The following CDYL variants were observed in gnomAD, a reference collection of about 807,000 sequenced individuals.
The protein encoded by CDYL is chromodomain Y like.
Under a neutral mutation model 47.3 loss-of-function variants are expected in CDYL, and 8 were observed. The observed-to-expected ratio is 0.17, with a 90% CI of 0.10 to 0.31. CDYL has a LOEUF of 0.31. Among genes scored for constraint, CDYL ranks in the 10% least tolerant of loss-of-function variants. The pLI, the probability that CDYL is intolerant of heterozygous loss-of-function variation, is 1.00. For missense variants in CDYL, 471 were observed against 701.4 expected, an observed-to-expected ratio of 0.67 and a Z score of 3.71; for synonymous variants, 266 against 265.0, an observed-to-expected ratio of 1.00 and a Z score of -0.04.
intron 1 of CDYL, among the ~76,000 whole-genome samples, chr6:4,823,330 A>T (rs111780437): frequency 6.6e-6 from 1 of 152,182 alleles, no homozygotes; most frequent in Non-Finnish European, 1.5e-5. Flanking sequence ...CATACCTACT[A>T]AAATATTGCT....
At chr6:4,895,019 GTA>G (rs1196753398) in intron 2 of CDYL, among the ~76,000 whole-genome samples, 1 of 150,736 alleles carries the variant, frequency 6.6e-6, no homozygotes, top group South Asian at 2.1e-4. Context: ...ATACATATAT[GTA>G]TGTATGTGTA....
chr6:4,854,256 T>A (rs1490217923), intron 1 of CDYL, among the ~76,000 whole-genome samples: 1 of 152,226 alleles, frequency 6.6e-6, no homozygotes, highest in African/African-American at 2.4e-5. Flanking sequence ...TCTTATGTAA[T>A]CTGAGTGATG....
At chr6:4,945,999 C>T (rs577269228) in intron 5 of CDYL, among the ~76,000 whole-genome samples, 5 of 152,348 alleles carry the variant, frequency 3.3e-5, no homozygotes, top group South Asian at 2.1e-4. Flanking sequence ...GAGCCGTCAG[C>T]GTGCTGCCCA....
At chr6:4,893,119 C>T (rs1263702843) in intron 2 of CDYL, among the ~76,000 whole-genome samples, 1 of 152,234 alleles carries the variant, frequency 6.6e-6, no homozygotes, top group Non-Finnish European at 1.5e-5. Context: ...TGACTTCTCA[C>T]CTGCTGGAGC....
intron 2 of CDYL, among the ~76,000 whole-genome samples, chr6:4,717,383 CT>C (rs1253754666): frequency 2.0e-5 from 3 of 152,110 alleles, no homozygotes; most frequent in Admixed American, 2.0e-4. Context: ...CCATAAGGGA[CT>C]TCCGCTTAGG....
rs1760706362 is a variant in CDYL at position 4,847,769 on chromosome 6, T to G, written c.25-43944T>G. Among the ~76,000 whole-genome samples the G allele has an allele frequency of 3.3e-5, 5 of 152,232 alleles. No homozygotes were observed. In the South Asian group the frequency reaches 1.0e-3, roughly 31 times the overall value. Reference sequence around the variant, plus strand: ...CCTCCTAAACATTTACAACTTCTGCTGTCTTTTGAATTAAAATAAAAACTG... The same window carrying G: ...CCTCCTAAACATTTACAACTTCTGCGGTCTTTTGAATTAAAATAAAAACTG... On this transcript the variant is annotated intron_variant, in intron 1 of 6. Coordinates refer to ENST00000397588, the MANE Select transcript of CDYL (RefSeq NM_004824.4).
chr6:4,825,170 T>C (rs2127450656), intron 1 of CDYL, among the ~76,000 whole-genome samples: 1 of 152,260 alleles, frequency 6.6e-6, no homozygotes, highest in South Asian at 2.1e-4. Flanking sequence ...CGTGCCCCAC[T>C]AGCTGTTGGA....
intron 1 of CDYL, among the ~76,000 whole-genome samples, chr6:4,781,634 G>T (rs778408916): frequency 1.5e-4 from 23 of 152,122 alleles, no homozygotes; most frequent in Non-Finnish European, 2.9e-4. Context: ...TTCAATTCCT[G>T]TGTACCAGAA....
intron 3 of CDYL, among the ~76,000 whole-genome samples, chr6:4,735,031 A>G (rs1210897018): frequency 1.1e-4 from 17 of 152,198 alleles, no homozygotes; most frequent in Admixed American, 7.8e-4. Context: ...TCATGCCTGT[A>G]ATCCCAGCAC....
intron 2 of CDYL, among the ~76,000 whole-genome samples, chr6:4,926,215 A>G (rs1757869552): frequency 6.6e-6 from 1 of 152,228 alleles, no homozygotes; most frequent in Non-Finnish European, 1.5e-5. Flanking sequence ...ATTTACTTCC[A>G]TGTTCATATG....
intron 1 of CDYL, among the ~76,000 whole-genome samples, chr6:4,827,910 C>T (rs1430352620): frequency 1.3e-5 from 2 of 152,232 alleles, no homozygotes; most frequent in African/African-American, 4.8e-5. Flanking sequence ...CCACCTCGTC[C>T]TCCCAAAGTG....
chr6:4,796,794 A>G (rs1426382971), intron 1 of CDYL, among the ~76,000 whole-genome samples: 1 of 152,166 alleles, frequency 6.6e-6, no homozygotes, highest in Non-Finnish European at 1.5e-5. Flanking sequence ...TTAACACTTC[A>G]GTAGTATCTT....
chr6:4,836,068 A>G (rs1386782759), intron 1 of CDYL: 1 of 155,734 alleles, frequency 6.4e-6, no homozygotes, highest in Non-Finnish European at 1.4e-5. Flanking sequence ...CGGCTTGCGC[A>G]CGGTGCGCTG....
intron 1 of CDYL, among the ~76,000 whole-genome samples, chr6:4,883,107 G>A (rs1761807963): frequency 6.6e-6 from 1 of 152,162 alleles, no homozygotes; most frequent in South Asian, 2.1e-4. Flanking sequence ...AGAAGGGCTG[G>A]GTATGAGTAG....
At chr6:4,835,945 G>C (rs1280453923) in intron 1 of CDYL, among the ~76,000 whole-genome samples, 1 of 152,188 alleles carries the variant, frequency 6.6e-6, no homozygotes, top group Non-Finnish European at 1.5e-5. Flanking sequence ...CGCAGTATTC[G>C]GGTGGGAGTG....
chr6:4,804,837 T>G (rs897364045), intron 1 of CDYL, among the ~76,000 whole-genome samples: 1 of 152,234 alleles, frequency 6.6e-6, no homozygotes, highest in Non-Finnish European at 1.5e-5. Flanking sequence ...GAAGGCTTTT[T>G]TAGTCCATCA....
chr6:4,775,665 G>T (rs1196844781), upstream of CDYL, among the ~76,000 whole-genome samples: 3 of 149,926 alleles, frequency 2.0e-5, no homozygotes, highest in Non-Finnish European at 3.0e-5. The surrounding 1 kb of genome is among the most constrained non-coding windows in gnomAD (Gnocchi z 7.0). Context: ...CCGCCCCCCG[G>T]ATCCCACCCC....
chr6:4,824,378 G>A (rs1045157067), intron 1 of CDYL, among the ~76,000 whole-genome samples: 1 of 144,464 alleles, frequency 6.9e-6, no homozygotes, highest in African/African-American at 2.9e-5. Context: ...AGCAGCGCTC[G>A]GCTCGGCAGC....
chr6:4,807,012 G>A (rs1177075963), intron 1 of CDYL, among the ~76,000 whole-genome samples: 4 of 152,170 alleles, frequency 2.6e-5, no homozygotes, highest in Admixed American at 6.5e-5. Context: ...TCTCTCTGCC[G>A]TGTCCTCACA....
Sources: gnomAD v4.1 joint callset for allele counts (sites outside exome capture counted in the v4.1 genomes callset) on GRCh38, gnomAD v4.1.1 for gene constraint, Gnocchi (gnomAD v3.1) non-coding constraint, MANE v1.5 for transcripts, NCBI Gene and HGNC (gene_info 2026-07-23, HGNC 2026-07-21) for gene names.